Variants in SHBG observed in about 807,000 individuals in gnomAD.
The protein encoded by SHBG is sex hormone-binding globulin.
A neutral mutation model predicts 41.9 loss-of-function variants in SHBG; 37 were observed. The ratio of observed to expected loss-of-function variants is 0.88; its 90% CI spans 0.68 to 1.16. SHBG has a LOEUF of 1.16. Ranked by LOEUF, SHBG falls within the 50% of genes most tolerant of loss-of-function variation. SHBG has a pLI of 0.00. For synonymous variants in SHBG, 217 were observed against 205.8 expected, an observed-to-expected ratio of 1.05 and a Z score of -0.47; for missense variants, 466 against 499.9, an observed-to-expected ratio of 0.93 and a Z score of 0.65.
chr17:7,621,094 C>CAAAAAAA (rs61026446), intron 1 of SHBG, among the ~76,000 whole-genome samples: 7 of 52,290 alleles, frequency 1.3e-4, no homozygotes, highest in African/African-American at 2.6e-4. Flanking sequence ...GACCCTGTCA[C>CAAAAAAA]AAAAAAAAAA....
intron 1 of SHBG, among the ~76,000 whole-genome samples, chr17:7,616,460 A>C (rs1202151713): frequency 1.3e-4 from 13 of 102,238 alleles, no homozygotes; most frequent in Non-Finnish European, 2.4e-4. Flanking sequence ...ACAAAAAAAA[A>C]AAAAAAAAAA....
upstream of SHBG, chr17:7,630,000 A>G (rs1192614849): frequency 7.3e-6 from 5 of 684,206 alleles, no homozygotes; most frequent in African/African-American, 3.5e-5. Flanking sequence ...GAGGGGTGAT[A>G]GCTGAGTCTT....
At chr17:7,614,509 C>T in intron 1 of SHBG, 1 of 1,525,066 alleles carries the variant, frequency 6.6e-7, no homozygotes, top group Non-Finnish European at 8.8e-7. Flanking sequence ...GCTCCACATC[C>T]CCCCCAGAGG....
At chr17:7,620,541 G>A (rs1275397995) in intron 1 of SHBG, among the ~76,000 whole-genome samples, 2 of 151,936 alleles carry the variant, frequency 1.3e-5, no homozygotes, top group Non-Finnish European at 2.9e-5. Context: ...GGCTGGTCTC[G>A]AACTCCTGAC....
chr17:7,631,274 C>A lies in SHBG; in HGVS notation c.468C>A (p.Val156=). 6.2e-7 allele frequency: 1 copy of A among 1,612,862 alleles called. No homozygotes were observed. Among genetic ancestry groups the A allele is most frequent in the Non-Finnish European group, 8.5e-7 (1 of 1,179,514 alleles). ...AGGAGGTGCTGCGCCTGAGACAGGT[C>A]TCTGGGCCCCTGACCAGCAAACGCC... ...DGEEVLRLRQ[V]SGPLTSKRHP... Residue 156 remains valine, a synonymous_variant, in exon 4 of 8, where the codon GTC becomes GTA. Transcript: ENST00000380450.
intron 7 of SHBG, 88 bp from the exon 8 acceptor site, chr17:7,633,116 A>C: frequency 6.5e-7 from 1 of 1,528,204 alleles, no homozygotes; most frequent in Non-Finnish European, 9.1e-7. Flanking sequence ...TTGCAAACTC[A>C]GGTTGGAGGA....
rs559734425 is a variant in SHBG at position 7,631,636 on chromosome 17, C to A, written c.603C>A (p.Asp201Glu). ...DGCLRRDSWLDKQAEISASAP... is the reference protein window; with the variant it reads ...DGCLRRDSWLEKQAEISASAP... ...GCCTGCGCCGGGATTCCTGGCTGGA[C>A]AAACAGGCCGAGATCTCAGCATCTG... is the stretch of plus-strand genomic sequence containing the variant. The change falls in exon 5 of 8, where the codon GAC (aspartate) becomes GAA (glutamate). Residue 201 changes from aspartate to glutamate, a missense_variant. By Grantham distance (45) the Asp-to-Glu change is conservative (BLOSUM62 2). Transcript: ENST00000380450. 7.4e-6 allele frequency: 12 copies of A among 1,614,126 alleles called. No individual in the cohort carries two copies. The highest frequency in any genetic ancestry group is 1.6e-4 in the Middle Eastern group (1 of 6,062).
upstream of SHBG, chr17:7,626,283 G>C: frequency 1.4e-6 from 1 of 695,964 alleles, no homozygotes; most frequent in Non-Finnish European, 2.5e-6. Context: ...AGGAAGAAAG[G>C]TCTCTCCCTC....
At chr17:7,626,733 C>G, upstream of SHBG, 1 of 1,614,036 alleles carries the variant, frequency 6.2e-7, no homozygotes, top group East Asian at 2.2e-5. Flanking sequence ...CCTCACTTGT[C>G]GCCCCACCCA....
At chr17:7,619,823 G>T (rs1406042155) in intron 1 of SHBG, among the ~76,000 whole-genome samples, 1 of 152,032 alleles carries the variant, frequency 6.6e-6, no homozygotes, top group Non-Finnish European at 1.5e-5. Context: ...AGTGATCCGT[G>T]TTCTGAAGGG....
At chr17:7,620,811 A>G (rs535485182) in intron 1 of SHBG, among the ~76,000 whole-genome samples, 1 of 151,126 alleles carries the variant, frequency 6.6e-6, no homozygotes, top group East Asian at 2.0e-4. Flanking sequence ...TTTTGTATTT[A>G]GTAGAGACAG....
upstream of SHBG, chr17:7,626,630 A>T: frequency 6.2e-7 from 1 of 1,611,736 alleles, no homozygotes; most frequent in Non-Finnish European, 8.5e-7. Flanking sequence ...GGAGAAGACA[A>T]CACTAACTTT....
At chr17:7,627,717 T>C (rs756830485), upstream of SHBG, 4 of 1,484,576 alleles carry the variant, frequency 2.7e-6, no homozygotes, top group African/African-American at 4.2e-5. The surrounding 1 kb of genome is among the most constrained non-coding windows in gnomAD (Gnocchi z 4.8). Context: ...CGGACTTGGA[T>C]CCTGAAGAGC....
Position 7,630,313 on chromosome 17 carries a change from A to T in SHBG, c.111+30A>T. On this transcript the variant is annotated intron_variant, in intron 1 of 7. Coordinates refer to ENST00000380450, the MANE Select transcript of SHBG (RefSeq NM_001040.5). The surrounding 1 kb of genome is among the most constrained non-coding windows in gnomAD (Gnocchi z 4.6). ...AGGAGCGGGACAGGGCACTCAGCTC[A>T]TGCAGTCTTCCCTTCTCTCCTCTGG... is the stretch of plus-strand genomic sequence containing the variant. 6.3e-7 allele frequency: 1 copy of T among 1,596,106 alleles called. No individual in the cohort carries two copies. The highest frequency in any genetic ancestry group is 8.6e-7 in the Non-Finnish European group (1 of 1,164,202).
intron 1 of SHBG, among the ~76,000 whole-genome samples, chr17:7,620,596 C>T (rs2072073938): frequency 6.6e-6 from 1 of 151,892 alleles, no homozygotes; most frequent in Non-Finnish European, 1.5e-5. Context: ...GCTGGGATTA[C>T]AGGCGTGAGC....
At chr17:7,626,350 A>G, upstream of SHBG, 2 of 1,358,600 alleles carry the variant, frequency 1.5e-6, no homozygotes, top group Non-Finnish European at 2.0e-6. Context: ...TCCTCCAGGG[A>G]GGCCTCAGCA....
At chr17:7,618,155 G>T (rs1270039348) in intron 1 of SHBG, among the ~76,000 whole-genome samples, 1 of 150,824 alleles carries the variant, frequency 6.6e-6, no homozygotes, top group African/African-American at 2.4e-5. Flanking sequence ...GGAGGCTGAA[G>T]TTGCAGTGAG....
At position 7,631,709 on chromosome 17, in the gene SHBG, T is replaced by A; in HGVS notation, c.676T>A (p.Phe226Ile). 2 of 1,614,048 alleles carry A rather than the reference T, an allele frequency of 1.2e-6. No homozygotes were observed. The change falls in exon 5 of 8, where the codon TTT (phenylalanine) becomes ATT (isoleucine). Residue 226 changes from phenylalanine to isoleucine, a missense_variant. By Grantham distance (21) the Phe-to-Ile change is conservative. Transcript: ENST00000380450. ...TGATGTAGAATCAAATCCCGGGATA[T>A]TTCTCCCTCCAGGGACTCAGGCAGA... Reference protein sequence around the residue: ...SCDVESNPGIFLPPGTQAEFN... With the variant: ...SCDVESNPGIILPPGTQAEFN...
intron 1 of SHBG, chr17:7,614,345 T>C: frequency 1.2e-6 from 1 of 833,350 alleles, no homozygotes; most frequent in Non-Finnish European, 1.9e-6. Context: ...TCCAAGATTC[T>C]AAGGGCCAGG....
Sources: gnomAD v4.1 joint callset for allele counts (sites outside exome capture counted in the v4.1 genomes callset) on GRCh38, gnomAD v4.1.1 for gene constraint, Gnocchi (gnomAD v3.1) non-coding constraint, MANE v1.5 for transcripts, NCBI Gene and HGNC (gene_info 2026-07-23, HGNC 2026-07-21) for gene names.